DLX6: variants seen among roughly 807,000 people sequenced by gnomAD.
DLX6 encodes homeobox protein DLX-6.
A neutral mutation model predicts 33.5 loss-of-function variants in DLX6; 4 were observed. That is an observed-to-expected ratio of 0.12 (90% CI 0.06 to 0.27). DLX6 has a LOEUF of 0.27. Among genes scored for constraint, DLX6 ranks in the 10% least tolerant of loss-of-function variants. The probability of loss-of-function intolerance (pLI) is 1.00; values close to 1 mark genes in which losing one functional copy is unlikely to be tolerated. For missense variants in DLX6, 382 were observed against 393.3 expected, an observed-to-expected ratio of 0.97 and a Z score of 0.24; for synonymous variants, 184 against 164.8, an observed-to-expected ratio of 1.12 and a Z score of -0.89.
At chr7:97,006,476 C>G (rs947610156) in intron 1 of DLX6, 63 bp downstream of exon 1, 1 of 1,245,178 alleles carries the variant, frequency 8.0e-7, no homozygotes, top group African/African-American at 1.6e-5. Flanking sequence ...CCCGCCCGCC[C>G]GCTCACTTCC....
intron 1 of DLX6, 31 bp from the exon 2 acceptor site, chr7:97,007,607 G>A (rs1205483825): frequency 3.8e-6 from 6 of 1,580,780 alleles, no homozygotes; most frequent in Non-Finnish European, 5.2e-6. Flanking sequence ...AGCCTCCCGG[G>A]TGACCGCTCC....
chr7:97,007,306 C>T, intron 1 of DLX6: 1 of 583,602 alleles, frequency 1.7e-6, no homozygotes, highest in Non-Finnish European at 3.0e-6. Flanking sequence ...CCCCGCTCCG[C>T]CCGGACAGCT....
chr7:97,005,918 C>G lies in DLX6; in HGVS notation c.-60C>G. ...CTGCAGAGGGGAGAGCGGCGCGAGC[C>G]AAGTGGGGGAGGGTGGAGGAAACCC... is the stretch of plus-strand genomic sequence containing the variant. On this transcript the variant is annotated 5_prime_UTR_variant, in exon 1 of 3. Transcript: ENST00000518156. 19 of 1,400,934 alleles carry G rather than the reference C, an allele frequency of 1.4e-5. No individual in the cohort carries two copies. The highest frequency in any genetic ancestry group is 1.7e-5 in the Non-Finnish European group (18 of 1,056,440). The allele number at this position is 1,400,934 out of a possible 1,614,324, so 86.8% of individuals were successfully genotyped here. A position where few individuals can be genotyped will look rare whatever the true frequency, so the allele number is the denominator to read the frequency against.
rs371198246 is a variant in DLX6 at position 97,009,870 on chromosome 7, C to G, written c.705C>G (p.Ser235Arg). ...LLKQGSNPHE[S>R]DPLQGSAALS... ...AGCAGGGCAGTAATCCTCATGAGAG[C>G]GACCCCCTCCAGGGCTCGGCGGCCC... is the stretch of plus-strand genomic sequence containing the variant. Residue 235 changes from serine to arginine, a missense_variant, in exon 3 of 3, where the codon AGC (serine) becomes AGG (arginine). Around this residue, in one of 4 missense-constraint regions of DLX6, gnomAD observed 96 missense variants for 93.3 expected, o/e 1.03. Transcript: ENST00000518156. The G allele has an allele frequency of 5.6e-6, 9 of 1,613,938 alleles. No individual in the cohort carries two copies. In the East Asian group the frequency reaches 2.0e-4, roughly 36 times the overall value.
chr7:97,006,106 A>AGCAGCAG lies in DLX6; in HGVS notation c.129_130insGCAGCAG (p.Gln44AlafsTer113). On this transcript the variant is annotated frameshift_variant, in exon 1 of 3. Coordinates refer to ENST00000518156, the MANE Select transcript of DLX6 (RefSeq NM_005222.4). LOFTEE classifies it high-confidence loss of function. ...AGCAGCAGCAGCAGCAGCAACAGCA[A>AGCAGCAG]CAGCCGCCGCCGCCGCCGCCGCCGC... 3 of 1,496,036 alleles carry AGCAGCAG rather than the reference A, an allele frequency of 2.0e-6. No homozygotes were observed. Among genetic ancestry groups the AGCAGCAG allele is most frequent in the Non-Finnish European group, 2.7e-6 (3 of 1,101,632 alleles). The allele number at this position is 1,496,036 out of a possible 1,614,324, so 92.7% of individuals were successfully genotyped here. A position where few individuals can be genotyped will look rare whatever the true frequency, so the allele number is the denominator to read the frequency against.
chr7:97,010,911 C>T lies in DLX6; in HGVS notation c.*864C>T, dbSNP rs1479963320. 1 of 142,012 alleles carries T rather than the reference C, an allele frequency of 7.0e-6. No homozygotes were observed. Among genetic ancestry groups the T allele is most frequent in the East Asian group, 2.2e-4 (1 of 4,542 alleles). The allele number at this position is 142,012 out of a possible 1,614,324, so 8.8% of individuals were successfully genotyped here. On this transcript the variant is annotated 3_prime_UTR_variant, in exon 3 of 3. Coordinates refer to ENST00000518156, the MANE Select transcript of DLX6 (RefSeq NM_005222.4). ...ACACCTTTACTAGGTGAATTGGTGG[C>T]ATTCACAAAGCTAATAGGGACGTTT...
rs1451172502 is a variant in DLX6, at chr7:97,006,318, C to A, written c.341C>A (p.Ala114Asp). The A allele has an allele frequency of 6.6e-7, 1 of 1,524,886 alleles. No homozygotes were observed. 94.5% of individuals were successfully genotyped at this position (1,524,886 alleles called of 1,614,324 possible). ...GGNSYNHRSL[A>D]AYPYMSHSQH... is the part of the protein sequence containing the mutation. ...AACTCCTACAACCACCGCTCGCTCGCCGCCTACCCCTACATGAGCCACTCG... is the reference window on the plus strand; with the variant it reads ...AACTCCTACAACCACCGCTCGCTCGACGCCTACCCCTACATGAGCCACTCG... The change falls in exon 1 of 3, where the codon GCC (alanine) becomes GAC (aspartate). Residue 114 changes from alanine to aspartate, a missense_variant. This residue lies in a region of DLX6 where 257 missense variants were observed against 206.9 expected (regional missense o/e 1.24). Coordinates refer to ENST00000518156, the MANE Select transcript of DLX6 (RefSeq NM_005222.4).
chr7:97,006,241 CCACCACCACCAG>C lies in DLX6; in HGVS notation c.276_287del (p.Gln92_His95del), dbSNP rs1001603219. On this transcript the variant is annotated inframe_deletion, in exon 1 of 3. Coordinates refer to ENST00000518156, the MANE Select transcript of DLX6 (RefSeq NM_005222.4). ...CGGCAGCGGCCGGCTCGCACCACCACCACCACCACCAGCACCACCACCACGGCTCGCCCTACG... is the reference window on the plus strand; with the variant it reads ...CGGCAGCGGCCGGCTCGCACCACCACCACCACCACCACGGCTCGCCCTACG... 3.4e-5 allele frequency: 51 copies of C among 1,520,282 alleles called. No homozygotes were observed. The African/African-American group carries it at 4.7e-4, about 14-fold the overall frequency. 94.2% of individuals were successfully genotyped at this position (1,520,282 alleles called of 1,614,324 possible).
Position 97,006,253 on chromosome 7 carries a change from G to GCAC in DLX6, c.286_288dup (p.His96dup), listed in dbSNP as rs1562791386. The GCAC allele has an allele frequency of 2.0e-6, 3 of 1,524,722 alleles. No homozygotes were observed. Among genetic ancestry groups the GCAC allele is most frequent in the Non-Finnish European group, 2.6e-6 (3 of 1,133,704 alleles). 94.4% of individuals were successfully genotyped at this position (1,524,722 alleles called of 1,614,324 possible). On this transcript the variant is annotated inframe_insertion, in exon 1 of 3. Coordinates refer to ENST00000518156, the MANE Select transcript of DLX6 (RefSeq NM_005222.4). ...GCTCGCACCACCACCACCACCACCA[G>GCAC]CACCACCACCACGGCTCGCCCTACG...
In DLX6 at chr7:97,007,631, C is replaced by G; in HGVS notation, c.437-7C>G. The G allele has an allele frequency of 5.6e-6, 9 of 1,604,760 alleles. No individual in the cohort carries two copies. Among genetic ancestry groups the G allele is most frequent in the Non-Finnish European group, 7.7e-6 (9 of 1,175,344 alleles). The stretch of plus-strand genomic sequence containing the variant: ...GGTGACCGCTCCTCTGTATTATTTG[C>G]TTACAGATCAACAAAAAACTACAGT... On this transcript the variant is annotated splice_region_variant and splice_polypyrimidine_tract_variant and intron_variant, in intron 1 of 2. Coordinates refer to ENST00000518156, the MANE Select transcript of DLX6 (RefSeq NM_005222.4).
chr7:97,009,196 A>G (rs1344909863), intron 2 of DLX6, among the ~76,000 whole-genome samples: 5 of 152,236 alleles, frequency 3.3e-5, no homozygotes, highest in African/African-American at 1.2e-4. Context: ...AAGATGCTTC[A>G]TGTATAATCT....
chr7:97,007,275 C>G lies in DLX6; in HGVS notation c.437-363C>G, dbSNP rs1789757406. 24 of 559,980 alleles carry G rather than the reference C, an allele frequency of 4.3e-5. No individual in the cohort carries two copies. In the South Asian group the frequency reaches 5.5e-4, roughly 13 times the overall value. The allele number at this position is 559,980 out of a possible 1,614,324, so 34.7% of individuals were successfully genotyped here. A position where few individuals can be genotyped will look rare whatever the true frequency, so the allele number is the denominator to read the frequency against. On this transcript the variant is annotated intron_variant, in intron 1 of 2. Transcript: ENST00000518156. The stretch of plus-strand genomic sequence containing the variant: ...GGTGGCTCAAGCACAGCTTCAGGTA[C>G]TGTTAAGCCGGGCACAGGGGCCCCG...
intron 2 of DLX6, 75 bp from the exon 3 acceptor site, chr7:97,009,721 C>G (rs948095634): frequency 1.3e-6 from 2 of 1,544,940 alleles, no homozygotes; most frequent in Non-Finnish European, 1.7e-6. Context: ...TTTAATATTG[C>G]TTCTAAATCC....
chr7:97,007,853 T>G (rs765713167), intron 2 of DLX6, 22 bp downstream of exon 2: 1 of 1,557,994 alleles, frequency 6.4e-7, no homozygotes, highest in Non-Finnish European at 8.7e-7. Flanking sequence ...GAAGCCCAAG[T>G]ATCCCTGAAA....
In DLX6 at chr7:97,006,282, C is replaced by A; in HGVS notation, c.305C>A (p.Ser102Ter). 6.5e-7 allele frequency: 1 copy of A among 1,531,056 alleles called. No individual in the cohort carries two copies. The highest frequency in any genetic ancestry group is 8.8e-7 in the Non-Finnish European group (1 of 1,136,912). The allele number at this position is 1,531,056 out of a possible 1,614,324, so 94.8% of individuals were successfully genotyped here. The stretch of plus-strand genomic sequence containing the variant: ...CACCACCACGGCTCGCCCTACGCGT[C>A]GGGCGGAGGGAACTCCTACAACCAC... ...QHHHHGSPYA[S>*]GGGNSYNHRS... is the part of the protein sequence containing the mutation. Residue 102 changes from serine (S) to a stop codon, truncating the protein, a stop_gained, in exon 1 of 3, where the codon TCG becomes TAG. Transcript: ENST00000518156. LOFTEE classifies it high-confidence loss of function.
In DLX6 at chr7:97,005,923, G is replaced by C. The variant is rs556392888; in HGVS notation, c.-55G>C. ...GAGGGGAGAGCGGCGCGAGCCAAGTGGGGGAGGGTGGAGGAAACCCGGGAG... is the reference window on the plus strand; with the variant it reads ...GAGGGGAGAGCGGCGCGAGCCAAGTCGGGGAGGGTGGAGGAAACCCGGGAG... On this transcript the variant is annotated 5_prime_UTR_variant, in exon 1 of 3. Coordinates refer to ENST00000518156, the MANE Select transcript of DLX6 (RefSeq NM_005222.4). The C allele has an allele frequency of 6.4e-5, 94 of 1,461,280 alleles. No homozygotes were observed. The highest frequency in any genetic ancestry group is 8.2e-5 in the Non-Finnish European group (90 of 1,091,638). The allele number at this position is 1,461,280 out of a possible 1,614,324, so 90.5% of individuals were successfully genotyped here.
intron 2 of DLX6, among the ~76,000 whole-genome samples, chr7:97,009,563 A>G (rs1789802528): frequency 6.6e-6 from 1 of 152,176 alleles, no homozygotes; most frequent in Non-Finnish European, 1.5e-5. Flanking sequence ...GCAATTCTAG[A>G]ATTACAATAA....
At chr7:97,006,692 C>T (rs1429586310) in intron 1 of DLX6, 3 of 166,614 alleles carry the variant, frequency 1.8e-5, no homozygotes, top group African/African-American at 7.2e-5. Flanking sequence ...AGTTAGTCCA[C>T]ACTGCGCTCT....
chr7:97,007,186 A>T (rs1362091229), intron 1 of DLX6: 1 of 330,842 alleles, frequency 3.0e-6, no homozygotes, highest in African/African-American at 2.1e-5. Context: ...AAACATGCCG[A>T]GGATGCTTGA....
Sources: gnomAD v4.1 joint callset for allele counts (sites outside exome capture counted in the v4.1 genomes callset) on GRCh38, gnomAD v4.1.1 for gene constraint, gnomAD v4.1.1 regional missense constraint, MANE v1.5 for transcripts, NCBI Gene and HGNC (gene_info 2026-07-23, HGNC 2026-07-21) for gene names.